The following ADAMTS17 variants were observed in gnomAD, a reference collection of about 807,000 sequenced individuals.
ADAMTS17 encodes ADAM metallopeptidase with thrombospondin type 1 motif 17.
Under a neutral mutation model 141.5 loss-of-function variants are expected in ADAMTS17, and 113 were observed. The observed-to-expected ratio is 0.80, with a 90% CI of 0.69 to 0.93. The LOEUF (loss-of-function observed/expected upper bound fraction) is 0.93, where lower values mean the gene tolerates loss of function less well. Among genes scored for constraint, ADAMTS17 ranks in the 40% least tolerant of loss-of-function variants. The probability of loss-of-function intolerance (pLI) is 0.00; values close to 1 mark genes in which losing one functional copy is unlikely to be tolerated. For synonymous variants in ADAMTS17, 768 were observed against 630.6 expected (o/e 1.22, Z -3.27); for missense variants, 1,659 against 1,517.9 (o/e 1.09, Z -1.54).
chr15:100,049,141 G>T, intron 17 of ADAMTS17, 149 bp from the exon 18 acceptor site: 1 of 1,240,194 alleles, frequency 8.1e-7, no homozygotes, highest in Non-Finnish European at 1.1e-6. Flanking sequence ...TGGGTTTTTA[G>T]AGAGGAAGAA....
At chr15:100,258,103 T>C (rs1358288103) in intron 6 of ADAMTS17, among the ~76,000 whole-genome samples, 2 of 152,226 alleles carry the variant, frequency 1.3e-5, no homozygotes, top group African/African-American at 4.8e-5. Context: ...AGCATATCTG[T>C]TTACCCATTC....
At chr15:100,092,279 T>C (rs1028463439) in intron 15 of ADAMTS17, among the ~76,000 whole-genome samples, 8 of 152,238 alleles carry the variant, frequency 5.3e-5, no homozygotes, top group African/African-American at 1.4e-4. Flanking sequence ...TCAGTTTATG[T>C]AAGCATTTAA....
At chr15:100,096,509 T>G in intron 14 of ADAMTS17, 33 bp from the exon 15 acceptor site, 1 of 1,613,890 alleles carries the variant, frequency 6.2e-7, no homozygotes, top group Non-Finnish European at 8.5e-7. Flanking sequence ...TATTCTGTGG[T>G]TAAGACTCAG....
intron 8 of ADAMTS17, among the ~76,000 whole-genome samples, chr15:100,169,016 G>A (rs2040059202): frequency 6.6e-6 from 1 of 152,182 alleles, no homozygotes; most frequent in Admixed American, 6.5e-5. Flanking sequence ...GTGGTGGTGG[G>A]GGCAGGCACG....
At chr15:100,319,218 G>A (rs2045655438) in intron 3 of ADAMTS17, among the ~76,000 whole-genome samples, 1 of 152,246 alleles carries the variant, frequency 6.6e-6, no homozygotes. Flanking sequence ...CAGAGCAAAG[G>A]ACAGTGTCCT....
intron 3 of ADAMTS17, among the ~76,000 whole-genome samples, chr15:100,320,958 T>C (rs982954845): frequency 6.6e-6 from 1 of 151,924 alleles, no homozygotes; most frequent in African/African-American, 2.4e-5. Flanking sequence ...GGGAAGAGGG[T>C]TGCAAGAAAC....
chr15:100,109,203 C>A, intron 13 of ADAMTS17, 87 bp from the exon 14 acceptor site: 1 of 1,541,786 alleles, frequency 6.5e-7, no homozygotes. Flanking sequence ...AGAGGGAAAC[C>A]CTGAGGAAGA....
At chr15:100,303,299 T>C (rs1001153552) in intron 3 of ADAMTS17, among the ~76,000 whole-genome samples, 28 of 150,876 alleles carry the variant, frequency 1.9e-4, no homozygotes, top group African/African-American at 5.6e-4. Context: ...TATCCATTAA[T>C]TGAAGTCAAT....
At chr15:99,990,616 G>A (rs930914355) in intron 20 of ADAMTS17, among the ~76,000 whole-genome samples, 6 of 148,958 alleles carry the variant, frequency 4.0e-5, no homozygotes, top group Non-Finnish European at 7.4e-5. Context: ...CTGGGAATTG[G>A]GAAATTTGGC....
intron 20 of ADAMTS17, among the ~76,000 whole-genome samples, chr15:99,984,320 C>T (rs2060541086): frequency 6.6e-6 from 1 of 152,188 alleles, no homozygotes; most frequent in African/African-American, 2.4e-5. Context: ...CTGTGGGTAA[C>T]TTTGCTTCCC....
intron 7 of ADAMTS17, among the ~76,000 whole-genome samples, chr15:100,243,304 T>C (rs754162313): frequency 5.9e-5 from 9 of 152,218 alleles, no homozygotes; most frequent in African/African-American, 1.4e-4. Flanking sequence ...TGTACAAATA[T>C]CTGAGTCCCT....
chr15:100,298,314 G>C (rs888014056), intron 3 of ADAMTS17, among the ~76,000 whole-genome samples: 2 of 152,152 alleles, frequency 1.3e-5, no homozygotes, highest in African/African-American at 4.8e-5. Flanking sequence ...ATTTGAGGAT[G>C]TCAGCTCCAG....
rs552013103 is a variant in ADAMTS17, at chr15:100,023,174, CT to C, written c.2592-25586del. Among the ~76,000 whole-genome samples the C allele has an allele frequency of 3.9e-5, 6 of 152,066 alleles. No individual in the cohort carries two copies. The East Asian group carries it at 1.2e-3, about 29-fold the overall frequency. On this transcript the variant is annotated intron_variant, in intron 18 of 21. Coordinates refer to ENST00000268070, the MANE Select transcript of ADAMTS17 (RefSeq NM_139057.4). ...GTTGTGTGATGTTTTCCCTTGTCAACTTTTGTTTTTAGGTGAACAAAATAAA... is the reference window on the plus strand; with the variant it reads ...GTTGTGTGATGTTTTCCCTTGTCAACTTTGTTTTTAGGTGAACAAAATAAA...
intron 13 of ADAMTS17, among the ~76,000 whole-genome samples, chr15:100,110,430 A>C (rs2036700342): frequency 6.6e-6 from 1 of 151,230 alleles, no homozygotes; most frequent in African/African-American, 2.4e-5. Flanking sequence ...ATGCCTGGCT[A>C]ATTTTTTGTA....
intron 7 of ADAMTS17, among the ~76,000 whole-genome samples, chr15:100,205,261 C>T (rs1274596824): frequency 2.0e-5 from 3 of 152,184 alleles, no homozygotes; most frequent in Admixed American, 6.5e-5. Flanking sequence ...ATAACATTTT[C>T]ATGTGTTCTG....
chr15:100,199,428 A>G lies in ADAMTS17; in HGVS notation c.1076-5T>C. 6.2e-7 allele frequency: 1 copy of G among 1,613,458 alleles called. No individual in the cohort carries two copies. The highest frequency in any genetic ancestry group is 8.5e-7 in the Non-Finnish European group (1 of 1,179,372). ...CACCTCCTAAGTAAGCAATTCCTGC[A>G]GCAGAGACACAAAACACATCCTCTT... On this transcript the variant is annotated splice_region_variant and splice_polypyrimidine_tract_variant and intron_variant, in intron 7 of 21. Transcript: ENST00000268070.
intron 15 of ADAMTS17, among the ~76,000 whole-genome samples, chr15:100,065,368 C>T (rs2033443796): frequency 6.6e-6 from 1 of 152,040 alleles, no homozygotes; most frequent in South Asian, 2.1e-4. Context: ...AAGGATCAAG[C>T]AAAAAGTATA....
chr15:100,043,834 C>T (rs1272472364), intron 18 of ADAMTS17, among the ~76,000 whole-genome samples: 1 of 152,264 alleles, frequency 6.6e-6, no homozygotes, highest in African/African-American at 2.4e-5. Context: ...TTGAACTTGG[C>T]TCAAACGTGG....
intron 7 of ADAMTS17, among the ~76,000 whole-genome samples, chr15:100,241,113 T>A (rs1193429587): frequency 1.3e-5 from 2 of 151,940 alleles, no homozygotes; most frequent in African/African-American, 4.9e-5. Context: ...AGTGAGCCCC[T>A]ACACCTGGCC....
Sources: allele counts gnomAD v4.1 joint callset (sites outside exome capture counted in the v4.1 genomes callset), GRCh38; gene constraint gnomAD v4.1.1; transcripts MANE v1.5; gene names NCBI Gene and HGNC (gene_info 2026-07-23, HGNC 2026-07-21).